Variants in ITGAE observed in about 807,000 individuals in gnomAD.
ITGAE encodes integrin alpha-E.
In ITGAE, 99 loss-of-function variants were observed where a neutral mutation model predicts 136.5. The observed-to-expected ratio is 0.73, with a 90% CI of 0.62 to 0.86. ITGAE has a LOEUF of 0.86. Among genes scored for constraint, ITGAE ranks in the 40% least tolerant of loss-of-function variants. The probability of loss-of-function intolerance (pLI) is 0.00; values close to 1 mark genes in which losing one functional copy is unlikely to be tolerated. For missense variants in ITGAE, 1,447 were observed against 1,515.3 expected, an observed-to-expected ratio of 0.95 and a Z score of 0.75; for synonymous variants, 613 against 591.8, an observed-to-expected ratio of 1.04 and a Z score of -0.52.
intron 1 of ITGAE, among the ~76,000 whole-genome samples, chr17:3,778,344 C>G (rs2052591685): frequency 6.6e-6 from 1 of 152,162 alleles, no homozygotes; most frequent in African/African-American, 2.4e-5. Context: ...GGCTGGATCA[C>G]TTGAGGTCAG....
At position 3,716,668 on chromosome 17, in the gene ITGAE, A is replaced by T; in HGVS notation, c.3444+20T>A. 7.2e-7 allele frequency: 1 copy of T among 1,389,912 alleles called. No homozygotes were observed. Among genetic ancestry groups the T allele is most frequent in the Non-Finnish European group, 1.0e-6 (1 of 976,592 alleles). 86.1% of individuals were successfully genotyped at this position (1,389,912 alleles called of 1,614,324 possible). A position where few individuals can be genotyped will look rare whatever the true frequency, so the allele number is the denominator to read the frequency against. On this transcript the variant is annotated intron_variant, in intron 30 of 30. Transcript: ENST00000263087. Reference sequence around the variant, plus strand: ...TAGAGCCCAGTCTTCCCTCACTGTGATGCCATGAGTAGAACTGACCTTGAA... The same window carrying T: ...TAGAGCCCAGTCTTCCCTCACTGTGTTGCCATGAGTAGAACTGACCTTGAA...
At chr17:3,800,254 C>T (rs1262640753) in intron 1 of ITGAE, among the ~76,000 whole-genome samples, 1 of 152,238 alleles carries the variant, frequency 6.6e-6, no homozygotes, top group African/African-American at 2.4e-5. Flanking sequence ...CAAGTCCCCT[C>T]CCAGCACAGC....
At chr17:3,792,173 G>C in intron 1 of ITGAE, among the ~76,000 whole-genome samples, 1 of 152,046 alleles carries the variant, frequency 6.6e-6, no homozygotes, top group Non-Finnish European at 1.5e-5. Context: ...CCAGGCTGGA[G>C]GGCAGTGGCG....
chr17:3,777,513 G>A (rs778918489), intron 2 of ITGAE, 27 bp downstream of exon 2: 41 of 1,588,662 alleles, frequency 2.6e-5, no homozygotes, highest in Non-Finnish European at 3.4e-5. Context: ...TCAGTCTGAA[G>A]GCCTCTTGCC....
chr17:3,731,328 T>G, intron 22 of ITGAE, 145 bp from the exon 23 acceptor site: 1 of 548,290 alleles, frequency 1.8e-6, no homozygotes. Flanking sequence ...ATGTTTCCTT[T>G]CCCTTCCTTT....
chr17:3,753,840 A>G lies in ITGAE; in HGVS notation c.1470T>C (p.Phe490=). 6.2e-7 allele frequency: 1 copy of G among 1,614,178 alleles called. No individual in the cohort carries two copies. The highest frequency in any genetic ancestry group is 2.2e-5 in the East Asian group (1 of 44,884). ...CCTCTCTGCCCTCCTTCTGGAGCTCAAACACGGCCCCATGATGTTTGTACC... is the reference window on the plus strand; with the variant it reads ...CCTCTCTGCCCTCCTTCTGGAGCTCGAACACGGCCCCATGATGTTTGTACC... ...APRYKHHGAV[F]ELQKEGREAS... The change falls in exon 13 of 31, where the codon TTT becomes TTC. Residue 490 remains phenylalanine, a synonymous_variant. Transcript: ENST00000263087.
At chr17:3,777,919 T>C (rs575363329) in intron 1 of ITGAE, among the ~76,000 whole-genome samples, 1 of 152,000 alleles carries the variant, frequency 6.6e-6, no homozygotes, top group Non-Finnish European at 1.5e-5. Flanking sequence ...AAAGAAGCAC[T>C]TCCCACCTCC....
At chr17:3,747,786 C>T (rs118115429) in intron 17 of ITGAE, 136 bp downstream of exon 17, 6 of 645,352 alleles carry the variant, frequency 9.3e-6, no homozygotes, top group Non-Finnish European at 1.5e-5. Flanking sequence ...AAGCTCTAAT[C>T]GAGGGATTTC....
At chr17:3,724,223 G>C (rs1399987631) in intron 26 of ITGAE, 1 of 1,593,714 alleles carries the variant, frequency 6.3e-7, no homozygotes, top group Non-Finnish European at 8.5e-7. Context: ...GCCTGACCGT[G>C]ACCCCAAAGC....
rs184378154 is a variant in ITGAE at position 3,799,003 on chromosome 17, G to A, written c.34+2108C>T. On this transcript the variant is annotated intron_variant, in intron 1 of 30. Transcript: ENST00000263087. This position sits in a 1 kb window ranked among gnomAD's most constrained non-coding sequence, Gnocchi z 4.1. ...GCATCACCAGAGTGGCTGGCCTGGAGAGAGTGGAAGGTCAGGGCCAGGCCA... is the reference window on the plus strand; with the variant it reads ...GCATCACCAGAGTGGCTGGCCTGGAAAGAGTGGAAGGTCAGGGCCAGGCCA... 3.3e-3 allele frequency among the ~76,000 whole-genome samples: 507 copies of A among 152,302 alleles called. 3 individuals are homozygous for A. The highest frequency in any genetic ancestry group is 0.011 in the African/African-American group (460 of 41,554).
rs756331951 is a variant in ITGAE at position 3,750,333 on chromosome 17, A to G, written c.2024+19T>C. On this transcript the variant is annotated intron_variant, in intron 16 of 30. Coordinates refer to ENST00000263087, the MANE Select transcript of ITGAE (RefSeq NM_002208.5). ...GTGAGGCTGGGCCTGGGACCCCAGAAAGCAGGACAGAACCCTACCGGAACA... is the reference window on the plus strand; with the variant it reads ...GTGAGGCTGGGCCTGGGACCCCAGAGAGCAGGACAGAACCCTACCGGAACA... The G allele has an allele frequency of 2.5e-6, 4 of 1,613,182 alleles. No individual in the cohort carries two copies. Among genetic ancestry groups the G allele is most frequent in the East Asian group, 4.5e-5 (2 of 44,854 alleles).
chr17:3,757,576 AGAG>A, intron 9 of ITGAE, 127 bp downstream of exon 9: 2 of 988,920 alleles, frequency 2.0e-6, no homozygotes, highest in Middle Eastern at 3.3e-4. Flanking sequence ...CATGGAGAGA[AGAG>A]GAGCATTTGC....
chr17:3,725,357 C>T (rs761738634), intron 26 of ITGAE: 4 of 1,613,090 alleles, frequency 2.5e-6, no homozygotes, highest in Non-Finnish European at 3.4e-6. Flanking sequence ...GTCCTGTCCC[C>T]TTTAGCCATT....
intron 1 of ITGAE, among the ~76,000 whole-genome samples, chr17:3,797,259 G>T (rs578245211): frequency 1.3e-4 from 19 of 146,588 alleles, no homozygotes; most frequent in African/African-American, 4.8e-4. Flanking sequence ...TCCGCCTCCC[G>T]GGTTCACGCC....
At chr17:3,794,899 C>T (rs2053027582) in intron 1 of ITGAE, among the ~76,000 whole-genome samples, 1 of 152,290 alleles carries the variant, frequency 6.6e-6, no homozygotes, top group Non-Finnish European at 1.5e-5. Flanking sequence ...GAGCAAAGTC[C>T]AGTCTCCTCT....
rs2051917749 is a variant in ITGAE at position 3,753,342 on chromosome 17, TA to T, written c.1615del (p.Tyr539ThrfsTer28). The T allele has an allele frequency of 6.2e-7, 1 of 1,613,926 alleles. No homozygotes were observed. Among genetic ancestry groups the T allele is most frequent in the African/African-American group, 1.3e-5 (1 of 74,878 alleles). The stretch of plus-strand genomic sequence containing the variant: ...TCTGCCTTCTTCTCCATGAACGTGG[TA>T]AAATGGAGCAGCCACCAGCAAGAAG... ...TDFLLVAAPF[Y>X]HVHGEEGRVY... On this transcript the variant is annotated frameshift_variant, in exon 14 of 31. Transcript: ENST00000263087. LOFTEE classifies it high-confidence loss of function.
chr17:3,782,274 CAAAAAAAAAAAA>C (rs61341691), intron 1 of ITGAE, among the ~76,000 whole-genome samples: 2 of 47,264 alleles, frequency 4.2e-5, no homozygotes, highest in Non-Finnish European at 6.9e-5. Flanking sequence ...GACTCGGCCT[CAAAAAAAAAAAA>C]AAAAAAAAAA....
chr17:3,781,164 TGCCGCTTCTCAC>T (rs2052658240), intron 1 of ITGAE, among the ~76,000 whole-genome samples: 2 of 152,328 alleles, frequency 1.3e-5, no homozygotes, highest in South Asian at 4.1e-4. Flanking sequence ...GTGTTATAGA[TGCCGCTTCTCAC>T]GCAGCTGTTT....
intron 12 of ITGAE, 90 bp downstream of exon 12, chr17:3,755,027 G>A (rs1241246505): frequency 3.2e-6 from 2 of 621,638 alleles, no homozygotes; most frequent in Non-Finnish European, 4.1e-6. Flanking sequence ...CCTCGCCCAC[G>A]TAGCCCTCAG....
Sources: allele counts gnomAD v4.1 joint callset (sites outside exome capture counted in the v4.1 genomes callset), GRCh38; gene constraint gnomAD v4.1.1; non-coding constraint Gnocchi (gnomAD v3.1); transcripts MANE v1.5; gene names NCBI Gene and HGNC (gene_info 2026-07-23, HGNC 2026-07-21).